Variants in HTR2C observed in about 807,000 individuals in gnomAD.
HTR2C encodes 5-hydroxytryptamine (serotonin) receptor 2C, G protein-coupled.
HTR2C carries 5 observed loss-of-function variants against 21.0 expected under a neutral mutation model. The ratio of observed to expected loss-of-function variants is 0.24; its 90% CI spans 0.12 to 0.50. The LOEUF (loss-of-function observed/expected upper bound fraction) is 0.50, where lower values mean the gene tolerates loss of function less well. Ranked by LOEUF, HTR2C falls within the 20% of genes least tolerant of loss-of-function variation. The probability of loss-of-function intolerance (pLI) is 0.98; values close to 1 mark genes in which losing one functional copy is unlikely to be tolerated. For missense variants in HTR2C, 271 were observed against 371.2 expected, an observed-to-expected ratio of 0.73 and a Z score of 2.22; for synonymous variants, 150 against 145.3, an observed-to-expected ratio of 1.03 and a Z score of -0.23.
chrX:114,637,162 C>A (rs1482593412), intron 2 of HTR2C, among the ~76,000 whole-genome samples: 1 of 110,758 alleles, frequency 9.0e-6, no homozygotes, highest in African/African-American at 3.3e-5. Flanking sequence ...TAGGTTTAAG[C>A]CTGTAAATAT....
At chrX:114,816,259 A>ACATAGAT in intron 4 of HTR2C, among the ~76,000 whole-genome samples, 1 of 71,695 alleles carries the variant, frequency 1.4e-5, no homozygotes, top group Non-Finnish European at 2.8e-5. Flanking sequence ...ATAGGTAGAT[A>ACATAGAT]GATAGATGAT....
chrX:114,688,964 A>G (rs1237812775), intron 2 of HTR2C, among the ~76,000 whole-genome samples: 1 of 109,419 alleles, frequency 9.1e-6, no homozygotes, highest in Non-Finnish European at 1.9e-5. Context: ...CTCAATGTGT[A>G]GACTTTTATT....
At chrX:114,776,153 G>A in intron 4 of HTR2C, 1 of 536,072 alleles carries the variant, frequency 1.9e-6, no homozygotes, top group Non-Finnish European at 3.4e-6. Context: ...AATGAGGATT[G>A]ACACATCAAA....
intron 4 of HTR2C, among the ~76,000 whole-genome samples, chrX:114,756,133 C>T: frequency 9.1e-6 from 1 of 110,195 alleles, no homozygotes; most frequent in Middle Eastern, 4.6e-3. Flanking sequence ...AACAACCCCC[C>T]CCAAATCACA....
intron 4 of HTR2C, among the ~76,000 whole-genome samples, chrX:114,835,121 C>T (rs1218872028): frequency 2.0e-5 from 2 of 100,383 alleles, no homozygotes; most frequent in Admixed American, 1.1e-4. Context: ...CGACCTTTCT[C>T]TCTGGCTGCC....
intron 4 of HTR2C, among the ~76,000 whole-genome samples, chrX:114,820,297 T>A (rs1556455827): frequency 9.1e-6 from 1 of 110,171 alleles, no homozygotes; most frequent in African/African-American, 3.3e-5. Flanking sequence ...GAATGTATAA[T>A]AGTCACATCA....
chrX:114,706,426 G>T (rs1341744090), intron 2 of HTR2C, among the ~76,000 whole-genome samples: 1 of 80,112 alleles, frequency 1.2e-5, no homozygotes, highest in East Asian at 5.0e-4. Context: ...GATGAAATTG[G>T]AAATCATCAT....
chrX:114,897,651 A>G (rs962984963), intron 5 of HTR2C, among the ~76,000 whole-genome samples: 9 of 111,979 alleles, frequency 8.0e-5, no homozygotes, highest in African/African-American at 2.9e-4. Context: ...GTGAGAAGAC[A>G]AGGTATTTGC....
Position 114,629,052 on chromosome X carries a change from A to G in HTR2C, c.-80+15171A>G, listed in dbSNP as rs1272737149. ...ACAACTAGTCACATGTTATTTTTCC[A>G]TCTTTTTATATTTATATCTGTGAAA... On this transcript the variant is annotated intron_variant, in intron 2 of 5. Transcript: ENST00000276198. Among the ~76,000 whole-genome samples, 8 of 112,081 alleles carry G rather than the reference A, an allele frequency of 7.1e-5. No homozygotes were observed. The Admixed American group carries it at 7.6e-4, about 11-fold the overall frequency.
At position 114,909,898 on chromosome X, in the gene HTR2C, C is replaced by T. The variant is rs2071402225; in HGVS notation, c.*2483C>T. On this transcript the variant is annotated 3_prime_UTR_variant, in exon 6 of 6. Transcript: ENST00000276198. ...TATATATGTATATCTGTGTAAGACACGTGCAACAGACTGCCTTATATTATT... is the reference window on the plus strand; with the variant it reads ...TATATATGTATATCTGTGTAAGACATGTGCAACAGACTGCCTTATATTATT... The T allele has an allele frequency of 8.9e-6, 1 of 112,414 alleles. No individual in the cohort carries two copies. Among genetic ancestry groups the T allele is most frequent in the African/African-American group, 3.2e-5 (1 of 30,940 alleles). 9.3% of individuals were successfully genotyped at this position (112,414 alleles called of 1,213,427 possible). A position where few individuals can be genotyped will look rare whatever the true frequency, so the allele number is the denominator to read the frequency against.
At chrX:114,781,260 G>T (rs886308855) in intron 4 of HTR2C, among the ~76,000 whole-genome samples, 10 of 111,098 alleles carry the variant, frequency 9.0e-5, no homozygotes, top group Non-Finnish European at 1.9e-4. Flanking sequence ...GCTGAGGTGG[G>T]AGGATCACTT....
rs782551926 is a variant in HTR2C at position 114,813,104 on chromosome X, C to T, written c.350-34899C>T. On this transcript the variant is annotated intron_variant, in intron 4 of 5. Transcript: ENST00000276198. ...GCCACCCCACTTATAAATATCTACC[C>T]CCGCAATAAAATCCTTATATACAAC... is the stretch of plus-strand genomic sequence containing the variant. 1.9e-3 allele frequency among the ~76,000 whole-genome samples: 209 copies of T among 111,443 alleles called. 1 individual carries two copies. Among genetic ancestry groups the T allele is most frequent in the Non-Finnish European group, 3.2e-3 (172 of 53,082 alleles).
chrX:114,907,883 C>CG lies in HTR2C; in HGVS notation c.*468_*469insG. ...ATATACACTTTACATTCTTGCTCTG[C>CG]TCATCTACACATATAAACACAGTAA... On this transcript the variant is annotated 3_prime_UTR_variant, in exon 6 of 6. Coordinates refer to ENST00000276198, the MANE Select transcript of HTR2C (RefSeq NM_000868.4). The CG allele has an allele frequency of 5.2e-4, 60 of 115,144 alleles. No individual in the cohort carries two copies. Among genetic ancestry groups the CG allele is most frequent in the South Asian group, 1.7e-3 (5 of 2,881 alleles). The allele number at this position is 115,144 out of a possible 1,213,427, so 9.5% of individuals were successfully genotyped here. A position where few individuals can be genotyped will look rare whatever the true frequency, so the allele number is the denominator to read the frequency against.
chrX:114,748,638 C>G (rs904089242), intron 4 of HTR2C, among the ~76,000 whole-genome samples: 4 of 111,491 alleles, frequency 3.6e-5, no homozygotes, highest in African/African-American at 9.8e-5. Context: ...AAAGGCATTT[C>G]AATGGAGAAA....
intron 2 of HTR2C, among the ~76,000 whole-genome samples, chrX:114,659,575 GCTGCCAAA>G (rs1556409825): frequency 9.0e-6 from 1 of 111,045 alleles, no homozygotes; most frequent in Non-Finnish European, 1.9e-5. Context: ...ACAAGGTAAG[GCTGCCAAA>G]CTGTCAAACG....
In HTR2C at chrX:114,908,451, G is replaced by T. The variant is rs781786431; in HGVS notation, c.*1036G>T. ...GGAAGTATAGATGGTAGAAACTTTG[G>T]AAGTTTTACTTGATTAAGGACTACA... On this transcript the variant is annotated 3_prime_UTR_variant, in exon 6 of 6. Transcript: ENST00000276198. The T allele has an allele frequency of 9.0e-6, 1 of 111,349 alleles. No homozygotes were observed. Among genetic ancestry groups the T allele is most frequent in the Non-Finnish European group, 1.9e-5 (1 of 52,951 alleles). The allele number at this position is 111,349 out of a possible 1,213,427, so 9.2% of individuals were successfully genotyped here.
chrX:114,759,866 C>T (rs2069849074), intron 4 of HTR2C, among the ~76,000 whole-genome samples: 1 of 111,693 alleles, frequency 9.0e-6, no homozygotes, highest in Admixed American at 9.6e-5. Context: ...ATTCCCACTC[C>T]ATGGCTCTAC....
At chrX:114,650,646 A>G (rs1930526120) in intron 2 of HTR2C, among the ~76,000 whole-genome samples, 1 of 111,827 alleles carries the variant, frequency 8.9e-6, no homozygotes, top group Admixed American at 9.5e-5. Context: ...CTTTCACAGC[A>G]TTATTACTGT....
At chrX:114,777,643 C>T (rs781857675) in intron 4 of HTR2C, among the ~76,000 whole-genome samples, 2 of 110,997 alleles carry the variant, frequency 1.8e-5, no homozygotes, top group African/African-American at 6.6e-5. Flanking sequence ...CTGCAAACTC[C>T]GCCTCCTGGG....
Sources: gnomAD v4.1 joint callset for allele counts (sites outside exome capture counted in the v4.1 genomes callset) on GRCh38, gnomAD v4.1.1 for gene constraint, MANE v1.5 for transcripts, NCBI Gene and HGNC (gene_info 2026-07-23, HGNC 2026-07-21) for gene names.